Variants in NEDD4L observed in about 807,000 individuals in gnomAD.
The protein encoded by NEDD4L is E3 ubiquitin-protein ligase NEDD4-like.
NEDD4L carries 54 observed loss-of-function variants against 148.9 expected under a neutral mutation model. That is an observed-to-expected ratio of 0.36 (90% confidence interval 0.29 to 0.45). The LOEUF is 0.45. Ranked by LOEUF, NEDD4L falls within the 20% of genes least tolerant of loss-of-function variation. The probability of loss-of-function intolerance (pLI) is 1.00; values close to 1 mark genes in which losing one functional copy is unlikely to be tolerated. For synonymous variants in NEDD4L, 433 were observed against 440.7 expected (o/e 0.98, Z 0.22); for missense variants, 856 against 1,233.8 (o/e 0.69, Z 4.59).
At chr18:58,130,843 TTTGG>T (rs1175931012) in intron 1 of NEDD4L, among the ~76,000 whole-genome samples, 35 of 142,202 alleles carry the variant, frequency 2.5e-4, no homozygotes, top group African/African-American at 8.5e-4. Context: ...TTTGTTGGGA[TTTGG>T]TTGGTTGTGA....
chr18:58,051,149 TG>T (rs2081850906), intron 1 of NEDD4L, among the ~76,000 whole-genome samples: 1 of 152,100 alleles, frequency 6.6e-6, no homozygotes, highest in Non-Finnish European at 1.5e-5. Flanking sequence ...TCCTGGCTGC[TG>T]GGGAGGCTGA....
intron 5 of NEDD4L, among the ~76,000 whole-genome samples, chr18:58,310,672 C>T (rs963978328): frequency 3.3e-5 from 5 of 152,176 alleles, no homozygotes; most frequent in South Asian, 2.1e-4. Context: ...GCTCTGATTG[C>T]ATGATGGAAG....
chr18:58,155,818 C>T (rs766791473), intron 1 of NEDD4L, among the ~76,000 whole-genome samples: 6 of 152,310 alleles, frequency 3.9e-5, no homozygotes, highest in African/African-American at 7.2e-5. Context: ...GTTTGAACTG[C>T]GGCGTTGCTT....
At chr18:58,349,479 G>A in intron 16 of NEDD4L, 58 bp from the exon 17 acceptor site, 1 of 1,443,706 alleles carries the variant, frequency 6.9e-7, no homozygotes, top group Non-Finnish European at 9.8e-7. Context: ...AAAGCACCCA[G>A]TAACTGCACA....
chr18:58,323,198 C>T, intron 7 of NEDD4L, 34 bp from the exon 8 acceptor site: 2 of 1,300,008 alleles, frequency 1.5e-6, no homozygotes, highest in Non-Finnish European at 1.1e-6. Context: ...AAGTCACAAC[C>T]CTTCTAACCA....
intron 5 of NEDD4L, among the ~76,000 whole-genome samples, chr18:58,300,654 C>G (rs2056341649): frequency 6.6e-6 from 1 of 152,200 alleles, no homozygotes; most frequent in Non-Finnish European, 1.5e-5. Flanking sequence ...TAGGCCATGC[C>G]TGGAGTTTTT....
chr18:58,343,127 C>T, intron 16 of NEDD4L, 24 bp downstream of exon 16: 6 of 1,546,224 alleles, frequency 3.9e-6, no homozygotes, highest in Non-Finnish European at 5.2e-6. Context: ...TTTTATTTGG[C>T]TCCATTTTCA....
chr18:58,073,323 TCA>T (rs2082987785), intron 1 of NEDD4L, among the ~76,000 whole-genome samples: 1 of 152,074 alleles, frequency 6.6e-6, no homozygotes. Flanking sequence ...GCTGGAAGAC[TCA>T]CACTTCTCAA....
chr18:58,066,386 AGTTTTT>A (rs941548572), intron 1 of NEDD4L, among the ~76,000 whole-genome samples: 2 of 38,400 alleles, frequency 5.2e-5, no homozygotes, highest in African/African-American at 1.5e-4. Flanking sequence ...ACTCTGTATT[AGTTTTT>A]TTTTTTTTTT....
chr18:58,347,386 G>A (rs1487027897), intron 16 of NEDD4L, among the ~76,000 whole-genome samples: 1 of 152,110 alleles, frequency 6.6e-6, no homozygotes, highest in East Asian at 1.9e-4. Context: ...CATGGTCATA[G>A]GCTAGGTGGA....
chr18:58,141,901 GC>G (rs1343435449), intron 1 of NEDD4L, among the ~76,000 whole-genome samples: 1 of 152,130 alleles, frequency 6.6e-6, no homozygotes, highest in African/African-American at 2.4e-5. Context: ...ACTCACAGGA[GC>G]TGTGAAAACA....
intron 1 of NEDD4L, among the ~76,000 whole-genome samples, chr18:58,149,995 T>C (rs1386058322): frequency 6.6e-6 from 1 of 152,228 alleles, no homozygotes; most frequent in Middle Eastern, 3.2e-3. Flanking sequence ...CTTTCTCTGA[T>C]ATTGAATACT....
At chr18:58,330,705 T>G (rs374672558) in intron 10 of NEDD4L, 33 bp from the exon 11 acceptor site, 1 of 1,460,774 alleles carries the variant, frequency 6.8e-7, no homozygotes, top group African/African-American at 1.4e-5. Flanking sequence ...TACTTCTTTC[T>G]AGTGTTTACC....
At chr18:58,329,664 T>A (rs2059635377) in intron 10 of NEDD4L, among the ~76,000 whole-genome samples, 6 of 151,522 alleles carry the variant, frequency 4.0e-5, no homozygotes, top group Admixed American at 3.9e-4. Context: ...GCTAATTTTT[T>A]TTTTTTTTTT....
chr18:58,098,933 T>C (rs1369424455), intron 1 of NEDD4L, among the ~76,000 whole-genome samples: 2 of 152,220 alleles, frequency 1.3e-5, no homozygotes, highest in Non-Finnish European at 2.9e-5. Flanking sequence ...TGCTAAACCA[T>C]GTGGTAAGCA....
At chr18:58,150,550 T>G (rs1410614049) in intron 1 of NEDD4L, among the ~76,000 whole-genome samples, 1 of 152,202 alleles carries the variant, frequency 6.6e-6, no homozygotes, top group Non-Finnish European at 1.5e-5. Context: ...TTTAAACTTC[T>G]GGTTTGAAAC....
intron 2 of NEDD4L, among the ~76,000 whole-genome samples, chr18:58,214,429 A>G (rs1220900589): frequency 6.6e-6 from 1 of 152,158 alleles, no homozygotes; most frequent in Non-Finnish European, 1.5e-5. Context: ...GGCCACTTGG[A>G]TGGAAACTTC....
At chr18:58,368,877 T>C (rs936194518) in intron 22 of NEDD4L, among the ~76,000 whole-genome samples, 5 of 152,246 alleles carry the variant, frequency 3.3e-5, no homozygotes, top group African/African-American at 1.2e-4. Flanking sequence ...AGTCATGCCA[T>C]AGATTGTTTC....
rs548286154 is a variant in NEDD4L, at chr18:58,089,445, A to G, written c.48+44737A>G. Among the ~76,000 whole-genome samples, 10 of 152,222 alleles carry G rather than the reference A, an allele frequency of 6.6e-5. No individual in the cohort carries two copies. In the South Asian group the frequency reaches 2.1e-3, roughly 32 times the overall value. ...CCACGATGCCTGGCCGTATTTCATA[A>G]TTCTATCTTTCCATAGAAAGAATTG... On this transcript the variant is annotated intron_variant, in intron 1 of 30. Transcript: ENST00000400345.
Sources: gnomAD v4.1 joint callset for allele counts (sites outside exome capture counted in the v4.1 genomes callset) on GRCh38, gnomAD v4.1.1 for gene constraint, MANE v1.5 for transcripts, NCBI Gene and HGNC (gene_info 2026-07-23, HGNC 2026-07-21) for gene names.